DENND2B: variants seen among roughly 807,000 people sequenced by gnomAD.
DENND2B encodes the protein DENN domain containing 2B.
In DENND2B, 32 loss-of-function variants were observed where a neutral mutation model predicts 116.0. The observed-to-expected ratio is 0.28, with a 90% CI of 0.21 to 0.37. The LOEUF (loss-of-function observed/expected upper bound fraction) is 0.37. Ranked by LOEUF, DENND2B falls within the 10% of genes least tolerant of loss-of-function variation. The pLI, the probability that DENND2B is intolerant of heterozygous loss-of-function variation, is 1.00. For synonymous variants in DENND2B, 588 were observed against 583.9 expected (o/e 1.01, Z -0.10); for missense variants, 1,276 against 1,477.7 (o/e 0.86, Z 2.24).
chr11:8,762,207 G>A (rs2054783186), intron 1 of DENND2B, among the ~76,000 whole-genome samples: 1 of 152,106 alleles, frequency 6.6e-6, no homozygotes, highest in Admixed American at 6.5e-5. Context: ...TCCATTGTCT[G>A]GGTCCCTTTT....
chr11:8,714,262 C>G (rs1427750183), intron 7 of DENND2B, among the ~76,000 whole-genome samples: 2 of 152,234 alleles, frequency 1.3e-5, no homozygotes, highest in Non-Finnish European at 2.9e-5. Flanking sequence ...ATGAGGGAAG[C>G]TGAGGGCCTG....
intron 1 of DENND2B, among the ~76,000 whole-genome samples, chr11:8,806,117 A>C (rs2060812124): frequency 6.6e-6 from 1 of 152,266 alleles, no homozygotes; most frequent in South Asian, 2.1e-4. Flanking sequence ...GCCTCCGCCC[A>C]GGGCCCCTTG....
intron 1 of DENND2B, among the ~76,000 whole-genome samples, chr11:8,804,544 C>CTTTT (rs1555200406): frequency 3.9e-5 from 1 of 25,340 alleles, no homozygotes; most frequent in Non-Finnish European, 9.9e-5. Flanking sequence ...ATAGCAGCTA[C>CTTTT]TTCTTTTTTT....
chr11:8,767,668 C>T (rs903425402), intron 1 of DENND2B, among the ~76,000 whole-genome samples: 6 of 152,138 alleles, frequency 3.9e-5, no homozygotes, highest in Admixed American at 2.0e-4. Flanking sequence ...ACTCATTCCG[C>T]AAGTATTTTT....
rs2047508759 is a variant in DENND2B at position 8,728,429 on chromosome 11, T to C, written c.1340+1521A>G. On this transcript the variant is annotated intron_variant, in intron 3 of 19. Coordinates refer to ENST00000313726, the MANE Select transcript of DENND2B (RefSeq NM_213618.2). The stretch of plus-strand genomic sequence containing the variant: ...GTGTGAAATGGCATACAGAACAGAC[T>C]GCACTTCTGGAACTGTTTCTCTTTT... Among the ~76,000 whole-genome samples, 3 of 152,358 alleles carry C rather than the reference T, an allele frequency of 2.0e-5. No individual in the cohort carries two copies. The South Asian group carries it at 6.2e-4, about 32-fold the overall frequency.
intron 1 of DENND2B, among the ~76,000 whole-genome samples, chr11:8,770,638 T>C (rs1003099760): frequency 6.6e-6 from 1 of 152,184 alleles, no homozygotes; most frequent in African/African-American, 2.4e-5. Flanking sequence ...CTAATCCCTA[T>C]AGTCAGTCTA....
chr11:8,838,846 A>G (rs1394072339), intron 4 of DENND2B, among the ~76,000 whole-genome samples: 6 of 152,194 alleles, frequency 3.9e-5, no homozygotes. Context: ...AAAGGACACA[A>G]AAAGTGCTCA....
chr11:8,894,725 C>T (rs1363412501), intron 1 of DENND2B, among the ~76,000 whole-genome samples: 25 of 152,106 alleles, frequency 1.6e-4, no homozygotes, highest in South Asian at 4.2e-4. Context: ...ATTAGAATGG[C>T]GGTCATTAAA....
At chr11:8,713,856 T>TCTGGCCTGTC (rs2044232392) in intron 8 of DENND2B, 142 bp downstream of exon 8, 1 of 835,346 alleles carries the variant, frequency 1.2e-6, no homozygotes, top group Non-Finnish European at 2.0e-6. Context: ...CCCTGCTCTA[T>TCTGGCCTGTC]TGTTCTGGTA....
intron 1 of DENND2B, among the ~76,000 whole-genome samples, chr11:8,887,999 A>G (rs2063981365): frequency 6.6e-6 from 1 of 152,178 alleles, no homozygotes; most frequent in African/African-American, 2.4e-5. Context: ...CTCTGCACAA[A>G]ATGTGGAGAA....
intron 1 of DENND2B, chr11:8,766,650 A>T: frequency 7.8e-7 from 1 of 1,289,302 alleles, no homozygotes; most frequent in Non-Finnish European, 1.0e-6. Context: ...CTTTGTTCCC[A>T]CGGGGTTTCT....
chr11:8,731,350 T>C lies in DENND2B; in HGVS notation c.81-141A>G, dbSNP rs753557081. Reference sequence around the variant, plus strand: ...CAAAGAGTATTCTATTCAAGTAATATACCTTGAAGGCTGTCTTCAAGGAGA... The same window carrying C: ...CAAAGAGTATTCTATTCAAGTAATACACCTTGAAGGCTGTCTTCAAGGAGA... On this transcript the variant is annotated intron_variant, in intron 2 of 19. Coordinates refer to ENST00000313726, the MANE Select transcript of DENND2B (RefSeq NM_213618.2). 7.9e-4 allele frequency: 650 copies of C among 820,004 alleles called. 2 individuals carry two copies. The highest frequency in any genetic ancestry group is 2.2e-3 in the Middle Eastern group (7 of 3,112). 50.8% of individuals were successfully genotyped at this position (820,004 alleles called of 1,614,324 possible). A position where few individuals can be genotyped will look rare whatever the true frequency, so the allele number is the denominator to read the frequency against.
At chr11:8,801,547 T>A (rs1451304013) in intron 1 of DENND2B, among the ~76,000 whole-genome samples, 2 of 151,616 alleles carry the variant, frequency 1.3e-5, no homozygotes, top group African/African-American at 4.9e-5. Flanking sequence ...CATGGCAGCA[T>A]GCACCTATAA....
rs371174357 is a variant in DENND2B, at chr11:8,888,743, G to A, written c.-255-7634C>T. 5.6e-4 allele frequency among the ~76,000 whole-genome samples: 85 copies of A among 152,086 alleles called. 2 individuals carry two copies. The South Asian group carries it at 8.5e-3, about 15-fold the overall frequency. ...TCGACAACAAAAAACAACATAATTC[G>A]AAAATGGGCAGAGAACTTGAATAGA... On this transcript the variant is annotated intron_variant, in intron 1 of 22. Coordinates refer to the DENND2B transcript ENST00000534127.
At chr11:8,849,174 T>C (rs1295458572) in intron 3 of DENND2B, among the ~76,000 whole-genome samples, 1 of 152,152 alleles carries the variant, frequency 6.6e-6, no homozygotes, top group African/African-American at 2.4e-5. Context: ...CAGTCACTGC[T>C]AAGCACTAGG....
chr11:8,694,039 C>G lies in DENND2B; in HGVS notation c.*57G>C, dbSNP rs2039867117. 6.2e-7 allele frequency: 1 copy of G among 1,606,736 alleles called. No homozygotes were observed. Among genetic ancestry groups the G allele is most frequent in the African/African-American group, 1.3e-5 (1 of 74,740 alleles). On this transcript the variant is annotated 3_prime_UTR_variant, in exon 20 of 20. Transcript: ENST00000313726. ...CAGCCCAGAGGGTCCCAGGCTGGGCCTTCTCCCCAGGCTTCAGGCTCTGCA... is the reference window on the plus strand; with the variant it reads ...CAGCCCAGAGGGTCCCAGGCTGGGCGTTCTCCCCAGGCTTCAGGCTCTGCA...
At chr11:8,893,164 A>T (rs1038043963) in intron 1 of DENND2B, among the ~76,000 whole-genome samples, 1 of 152,246 alleles carries the variant, frequency 6.6e-6, no homozygotes, top group African/African-American at 2.4e-5. Flanking sequence ...CTATCTCAAT[A>T]GATGCAGAAA....
rs1424678839 is a variant in DENND2B, at chr11:8,712,803, T to G, written c.1988-68A>C. On this transcript the variant is annotated intron_variant, in intron 8 of 19. Coordinates refer to ENST00000313726, the MANE Select transcript of DENND2B (RefSeq NM_213618.2). This position sits in a 1 kb window ranked among gnomAD's most constrained non-coding sequence, Gnocchi z 4.4. ...TCATGTTAACTCCTCTACCCCTGGC[T>G]CAGGGCTCCATTGCTGTGGAGCACT... is the stretch of plus-strand genomic sequence containing the variant. The G allele has an allele frequency of 6.7e-7, 1 of 1,492,116 alleles. No homozygotes were observed. The highest frequency in any genetic ancestry group is 2.3e-5 in the East Asian group (1 of 43,328). 92.4% of individuals were successfully genotyped at this position (1,492,116 alleles called of 1,614,324 possible). A position where few individuals can be genotyped will look rare whatever the true frequency, so the allele number is the denominator to read the frequency against.
chr11:8,755,870 G>A (rs2053522246), intron 1 of DENND2B, among the ~76,000 whole-genome samples: 1 of 152,124 alleles, frequency 6.6e-6, no homozygotes. Context: ...TTGCCCCCAG[G>A]GCATCTACGC....
Sources: allele counts gnomAD v4.1 joint callset (sites outside exome capture counted in the v4.1 genomes callset), GRCh38; gene constraint gnomAD v4.1.1; non-coding constraint Gnocchi (gnomAD v3.1); transcripts MANE v1.5; gene names NCBI Gene and HGNC (gene_info 2026-07-23, HGNC 2026-07-21).